ADGRL3: variants seen among roughly 807,000 people sequenced by gnomAD.
ADGRL3 encodes adhesion G protein-coupled receptor L3.
ADGRL3 carries 62 observed loss-of-function variants against 153.5 expected under a neutral mutation model. That is an observed-to-expected ratio of 0.40 (90% CI 0.33 to 0.50). The LOEUF is 0.50. ADGRL3 is among the 20% of genes least tolerant of loss of function. The pLI is 0.47. For missense variants in ADGRL3, 1,641 were observed against 1,859.4 expected (o/e 0.88, Z 2.16); for synonymous variants, 710 against 672.5 (o/e 1.06, Z -0.86).
rs974219209 is a variant in ADGRL3 at position 61,200,552 on chromosome 4, G to C, written c.-1453G>C. Reference sequence around the variant, plus strand: ...GCTGCTGGTTTTTCTCGGACTGCTCGTTGCCTCCGCTCCGGCAGCTGCTGC... The same window carrying C: ...GCTGCTGGTTTTTCTCGGACTGCTCCTTGCCTCCGCTCCGGCAGCTGCTGC... On this transcript the variant is annotated 5_prime_UTR_variant, in exon 1 of 27. Transcript: ENST00000683033. Among the ~76,000 whole-genome samples, 1 of 149,268 alleles carries C rather than the reference G, an allele frequency of 6.7e-6. No homozygotes were observed. Among genetic ancestry groups the C allele is most frequent in the Admixed American group, 6.6e-5 (1 of 15,086 alleles).
Position 61,761,124 on chromosome 4 carries a change from A to C in ADGRL3, c.1399+27570A>C, listed in dbSNP as rs1370487029. On this transcript the variant is annotated intron_variant, in intron 8 of 26. Transcript: ENST00000683033. ...CTGGTCCATCAAGTGAAGGTTTGCA[A>C]AAACATCTCAAACACTGATCTTAGG... Among the ~76,000 whole-genome samples, 95 of 152,184 alleles carry C rather than the reference A, an allele frequency of 6.2e-4. 3 individuals are homozygous for C. The highest frequency in any genetic ancestry group is 6.2e-3 in the Admixed American group (95 of 15,286).
At chr4:62,068,290 A>G in intron 26 of ADGRL3, 107 bp downstream of exon 26, 1 of 1,027,322 alleles carries the variant, frequency 9.7e-7, no homozygotes, top group Non-Finnish European at 1.4e-6. Flanking sequence ...TCATCTCACA[A>G]TTTAAAAACT....
Position 61,947,087 on chromosome 4 carries a change from G to T in ADGRL3, c.2593G>T (p.Ala865Ser), listed in dbSNP as rs757665533. The change falls in exon 16 of 27, where the codon GCT (alanine) becomes TCT (serine). Residue 865 changes from alanine (A) to serine (S), a missense_variant. This residue lies in a region of ADGRL3 where 734 missense variants were observed against 797.0 expected (regional missense o/e 0.92). Transcript: ENST00000683033. ...AGAGTTCAGTAACAAGGTTTATTTG[G>T]CTGATCCTGTGGTATTTACTGTTAA... Reference protein sequence around the residue: ...NKEFSNKVYLADPVVFTVKHI... With the variant: ...NKEFSNKVYLSDPVVFTVKHI... 1.9e-6 allele frequency: 3 copies of T among 1,613,638 alleles called. No individual in the cohort carries two copies. Among genetic ancestry groups the T allele is most frequent in the Admixed American group, 3.3e-5 (2 of 59,974 alleles).
chr4:61,702,558 C>T (rs753276339), intron 6 of ADGRL3, among the ~76,000 whole-genome samples: 4 of 152,138 alleles, frequency 2.6e-5, no homozygotes, highest in Non-Finnish European at 5.9e-5. Flanking sequence ...TTTATTTGAG[C>T]CCCTGGTTTT....
intron 21 of ADGRL3, among the ~76,000 whole-genome samples, chr4:62,018,050 G>C (rs2099221311): frequency 6.6e-6 from 1 of 152,074 alleles, no homozygotes; most frequent in Non-Finnish European, 1.5e-5. Context: ...AGATTCAAAA[G>C]AATATAGATT....
At chr4:61,904,055 C>A (rs996413468) in intron 11 of ADGRL3, among the ~76,000 whole-genome samples, 1 of 151,538 alleles carries the variant, frequency 6.6e-6, no homozygotes, top group Admixed American at 6.6e-5. Flanking sequence ...AGATGTGAGC[C>A]ACCATGCCCA....
chr4:61,990,744 C>G (rs2150971515), intron 19 of ADGRL3, among the ~76,000 whole-genome samples: 1 of 151,696 alleles, frequency 6.6e-6, no homozygotes, highest in Admixed American at 6.6e-5. Context: ...CAATCGACAC[C>G]TTTAGTTGTT....
intron 5 of ADGRL3, among the ~76,000 whole-genome samples, chr4:61,605,799 A>T (rs889910673): frequency 2.6e-5 from 4 of 152,174 alleles, no homozygotes; most frequent in African/African-American, 7.2e-5. Context: ...GAGTACTGAG[A>T]ATTGATGCTG....
chr4:61,723,006 C>G (rs1335310243), intron 6 of ADGRL3, among the ~76,000 whole-genome samples: 3 of 152,028 alleles, frequency 2.0e-5, no homozygotes, highest in Non-Finnish European at 4.4e-5. Context: ...AAGAATCAGT[C>G]AAAAATACAT....
At chr4:61,833,296 A>G (rs1367726330) in intron 9 of ADGRL3, among the ~76,000 whole-genome samples, 15 of 152,110 alleles carry the variant, frequency 9.9e-5, no homozygotes, top group African/African-American at 4.8e-5. Flanking sequence ...TAACCACCCA[A>G]TGGGTTCACC....
intron 1 of ADGRL3, among the ~76,000 whole-genome samples, chr4:61,349,992 A>C (rs2096007461): frequency 6.6e-6 from 1 of 152,216 alleles, no homozygotes; most frequent in South Asian, 2.1e-4. Flanking sequence ...ATCACGCAGA[A>C]CAAGAACACT....
In ADGRL3 at chr4:61,254,442, T is replaced by A. The variant is rs570353737; in HGVS notation, c.-240+52677T>A. 7.2e-5 allele frequency among the ~76,000 whole-genome samples: 11 copies of A among 152,286 alleles called. No individual in the cohort carries two copies. The East Asian group carries it at 1.9e-3, about 27-fold the overall frequency. ...TGCTATTTGAAATTATTTTAAAATCTTGAATGCTAAAGAGATAAATAAATA... is the reference window on the plus strand; with the variant it reads ...TGCTATTTGAAATTATTTTAAAATCATGAATGCTAAAGAGATAAATAAATA... On this transcript the variant is annotated intron_variant, in intron 1 of 26. Transcript: ENST00000683033.
rs76591609 is a variant in ADGRL3, at chr4:61,877,095, T to A, written c.1481-15561T>A. Among the ~76,000 whole-genome samples, 854 of 152,222 alleles carry A rather than the reference T, an allele frequency of 5.6e-3. 7 individuals are homozygous for A. The highest frequency in any genetic ancestry group is 0.019 in the African/African-American group (809 of 41,550). Reference sequence around the variant, plus strand: ...CTTTTTACAACAAGTTTGAGGATTCTGAATTGATGAAATCGATGGGAGTTT... The same window carrying A: ...CTTTTTACAACAAGTTTGAGGATTCAGAATTGATGAAATCGATGGGAGTTT... On this transcript the variant is annotated intron_variant, in intron 9 of 26. Transcript: ENST00000683033.
At chr4:61,784,164 A>G (rs2097250316) in intron 8 of ADGRL3, among the ~76,000 whole-genome samples, 1 of 152,260 alleles carries the variant, frequency 6.6e-6, no homozygotes, top group Non-Finnish European at 1.5e-5. Context: ...AAGATATGAC[A>G]ATTTGAATTG....
intron 17 of ADGRL3, among the ~76,000 whole-genome samples, chr4:61,974,107 A>G (rs954986960): frequency 5.9e-5 from 9 of 152,038 alleles, no homozygotes; most frequent in African/African-American, 2.2e-4. Context: ...AGCTGTGACT[A>G]CAGGCACCCT....
chr4:61,793,146 C>T lies in ADGRL3; in HGVS notation c.1400-20663C>T, dbSNP rs114240993. ...CTTTATAAAACCATCAGATCTCAGC[C>T]GGGTGTGGTGGCTCATGCCTGTAAT... On this transcript the variant is annotated intron_variant, in intron 8 of 26. Transcript: ENST00000683033. Among the ~76,000 whole-genome samples the T allele has an allele frequency of 6.8e-3, 1,029 of 152,038 alleles. 12 individuals carry two copies. Among genetic ancestry groups the T allele is most frequent in the African/African-American group, 0.024 (977 of 41,492 alleles).
At chr4:61,657,175 A>G (rs185297019) in intron 5 of ADGRL3, among the ~76,000 whole-genome samples, 88 of 152,240 alleles carry the variant, frequency 5.8e-4, no homozygotes, top group Non-Finnish European at 9.3e-4. Flanking sequence ...CATCATTTTT[A>G]TATAACTTGC....
At chr4:61,723,215 A>G (rs2096269930) in intron 6 of ADGRL3, among the ~76,000 whole-genome samples, 1 of 152,182 alleles carries the variant, frequency 6.6e-6, no homozygotes, top group East Asian at 1.9e-4. Flanking sequence ...GTAAATAAGT[A>G]TACTGAAAAT....
chr4:61,644,930 G>T (rs1157551985), intron 5 of ADGRL3, among the ~76,000 whole-genome samples: 4 of 151,958 alleles, frequency 2.6e-5, no homozygotes, highest in Middle Eastern at 3.4e-3. Flanking sequence ...AAGTCTCTTT[G>T]TAGGTCACTC....
Sources: gnomAD v4.1 joint callset for allele counts (sites outside exome capture counted in the v4.1 genomes callset) on GRCh38, gnomAD v4.1.1 for gene constraint, gnomAD v4.1.1 regional missense constraint, MANE v1.5 for transcripts, NCBI Gene and HGNC (gene_info 2026-07-23, HGNC 2026-07-21) for gene names.